The following ENTHD1 variants were observed in gnomAD, a reference collection of about 807,000 sequenced individuals.
ENTHD1 encodes ENTH domain-containing protein 1.
A neutral mutation model predicts 39.1 loss-of-function variants in ENTHD1; 23 were observed. The observed-to-expected ratio is 0.59, with a 90% CI of 0.42 to 0.83. The LOEUF (loss-of-function observed/expected upper bound fraction) is 0.83. Ranked by LOEUF, ENTHD1 falls within the 40% of genes least tolerant of loss-of-function variation. The pLI, the probability that ENTHD1 is intolerant of heterozygous loss-of-function variation, is 0.00. For missense variants in ENTHD1, 624 were observed against 705.4 expected, an observed-to-expected ratio of 0.88 and a Z score of 1.31; for synonymous variants, 230 against 258.2, an observed-to-expected ratio of 0.89 and a Z score of 1.05.
At chr22:39,843,128 A>G (rs1481745647) in intron 3 of ENTHD1, among the ~76,000 whole-genome samples, 1 of 152,236 alleles carries the variant, frequency 6.6e-6, no homozygotes, top group East Asian at 1.9e-4. Flanking sequence ...CCAAAGGACT[A>G]TAAATCATGC....
chr22:39,877,920 T>A (rs1356813297), intron 2 of ENTHD1, among the ~76,000 whole-genome samples: 6 of 151,848 alleles, frequency 4.0e-5, no homozygotes, highest in Admixed American at 3.9e-4. Context: ...TCATAAGACA[T>A]ACTAAAAGGA....
At position 39,744,061 on chromosome 22, in the gene ENTHD1, T is replaced by A; in HGVS notation, c.1442A>T (p.Asp481Val). 4 of 1,614,134 alleles carry A rather than the reference T, an allele frequency of 2.5e-6. No individual in the cohort carries two copies. Among genetic ancestry groups the A allele is most frequent in the Non-Finnish European group, 3.4e-6 (4 of 1,179,998 alleles). ...SFASRGPVSS[D>V]VEENDSLNLL... ...ATTGAGGCTATCATTTTCCTCTACA[T>A]CAGAAGACACTGGGCCCCTAGAAGC... The change falls in exon 7 of 7, where the codon GAT becomes GTT. Residue 481 changes from aspartate (D) to valine (V), a missense_variant. Coordinates refer to ENST00000325157, the MANE Select transcript of ENTHD1 (RefSeq NM_152512.4).
At chr22:39,826,215 T>C (rs1043992483) in intron 4 of ENTHD1, among the ~76,000 whole-genome samples, 2 of 152,196 alleles carry the variant, frequency 1.3e-5, no homozygotes, top group South Asian at 2.1e-4. Flanking sequence ...ACTATCCTTT[T>C]AGAGCTGAAG....
chr22:39,797,455 A>T (rs2065560131), intron 5 of ENTHD1, among the ~76,000 whole-genome samples: 1 of 152,076 alleles, frequency 6.6e-6, no homozygotes, highest in South Asian at 2.1e-4. Context: ...CTCATTGTTT[A>T]TCACTGTAGT....
Position 39,765,595 on chromosome 22 carries a change from G to T in ENTHD1, c.847C>A (p.Leu283Ile), listed in dbSNP as rs749504812. 1 of 1,610,022 alleles carries T rather than the reference G, an allele frequency of 6.2e-7. No homozygotes were observed. Among genetic ancestry groups the T allele is most frequent in the South Asian group, 1.1e-5 (1 of 90,510 alleles). The change falls in exon 6 of 7, where the codon CTC (leucine) becomes ATC (isoleucine). Residue 283 changes from leucine (L) to isoleucine (I), a missense_variant. Coordinates refer to ENST00000325157, the MANE Select transcript of ENTHD1 (RefSeq NM_152512.4). The part of the protein sequence containing the change: ...NLSGADAVPT[L>I]SENSPSGQRD... ...TGCCCAGAAGGACTATTTTCTGAGA[G>T]AGTAGGCACAGCATCTATAAAAGAA...
intron 4 of ENTHD1, among the ~76,000 whole-genome samples, chr22:39,824,356 C>T (rs558170826): frequency 1.3e-5 from 2 of 151,910 alleles, no homozygotes; most frequent in South Asian, 4.2e-4. Flanking sequence ...ATTACAGGCG[C>T]ATGCCACCAC....
At chr22:39,852,440 A>G (rs1306295703) in intron 3 of ENTHD1, among the ~76,000 whole-genome samples, 1 of 152,242 alleles carries the variant, frequency 6.6e-6, no homozygotes, top group South Asian at 2.1e-4. Flanking sequence ...TTACAAGAGT[A>G]TAATGGTTTT....
chr22:39,784,543 TACACACACAC>T (rs3044403), intron 5 of ENTHD1, among the ~76,000 whole-genome samples: 29 of 142,360 alleles, frequency 2.0e-4, no homozygotes, highest in East Asian at 1.2e-3. Context: ...TCTCTCTGTA[TACACACACAC>T]ACACACACAC....
At chr22:39,766,344 A>G (rs931435401) in intron 5 of ENTHD1, among the ~76,000 whole-genome samples, 2 of 152,206 alleles carry the variant, frequency 1.3e-5, no homozygotes, top group Non-Finnish European at 2.9e-5. Context: ...GAAAACACTG[A>G]AGGAATTGTA....
intron 4 of ENTHD1, among the ~76,000 whole-genome samples, chr22:39,827,040 G>T (rs1362971132): frequency 6.9e-6 from 1 of 145,060 alleles, no homozygotes; most frequent in Non-Finnish European, 1.5e-5. Flanking sequence ...TTTTGAGACA[G>T]AGTCTCTCTC....
At chr22:39,781,115 AAC>A (rs1290227604) in intron 5 of ENTHD1, among the ~76,000 whole-genome samples, 1 of 152,228 alleles carries the variant, frequency 6.6e-6, no homozygotes, top group Non-Finnish European at 1.5e-5. Flanking sequence ...ACAGAAAATC[AAC>A]AAAGAAACAT....
chr22:39,791,791 G>A (rs553018430), intron 5 of ENTHD1, among the ~76,000 whole-genome samples: 4 of 152,182 alleles, frequency 2.6e-5, no homozygotes, highest in African/African-American at 9.6e-5. Flanking sequence ...ATAAGCTTGT[G>A]ACTTGGGTTT....
At chr22:39,784,626 C>T (rs2065440168) in intron 5 of ENTHD1, among the ~76,000 whole-genome samples, 1 of 151,452 alleles carries the variant, frequency 6.6e-6, no homozygotes. Context: ...TTGTCATTTG[C>T]AGCAACATGG....
At chr22:39,763,917 A>G (rs2065254931) in intron 6 of ENTHD1, among the ~76,000 whole-genome samples, 1 of 152,162 alleles carries the variant, frequency 6.6e-6, no homozygotes, top group African/African-American at 2.4e-5. Flanking sequence ...CATCAGAGCC[A>G]TCATAACCAG....
At chr22:39,879,234 G>A (rs960302994) in intron 2 of ENTHD1, among the ~76,000 whole-genome samples, 13 of 151,628 alleles carry the variant, frequency 8.6e-5, no homozygotes, top group African/African-American at 2.4e-4. Flanking sequence ...AGGCTGAGGC[G>A]GGCGGATCAC....
chr22:39,748,777 G>T (rs1051652119), intron 6 of ENTHD1, among the ~76,000 whole-genome samples: 1 of 152,062 alleles, frequency 6.6e-6, no homozygotes, highest in African/African-American at 2.4e-5. Context: ...ACATATATAT[G>T]CTGTGACTAA....
chr22:39,786,295 A>G (rs2065457480), intron 5 of ENTHD1, among the ~76,000 whole-genome samples: 2 of 152,192 alleles, frequency 1.3e-5, no homozygotes, highest in Non-Finnish European at 2.9e-5. Flanking sequence ...GTACAATGTG[A>G]TGTTTTGATC....
In ENTHD1 at chr22:39,765,253, C is replaced by G. The variant is rs766839829; in HGVS notation, c.1189G>C (p.Asp397His). 68 of 1,611,090 alleles carry G rather than the reference C, an allele frequency of 4.2e-5. No homozygotes were observed. Among genetic ancestry groups the G allele is most frequent in the Non-Finnish European group, 5.6e-5 (66 of 1,178,762 alleles). Residue 397 changes from aspartate to histidine, a missense_variant, in exon 6 of 7, where the codon GAT (aspartate) becomes CAT (histidine). Transcript: ENST00000325157. ...GTGGTTGTCTTGAGGATTTTATCAT[C>G]CATCTGAATGCTGGATTGTGCTGGT... is the stretch of plus-strand genomic sequence containing the variant. Reference protein sequence around the residue: ...QKPAQSSIQMDDKILKTTTRV... With the variant: ...QKPAQSSIQMHDKILKTTTRV...
At position 39,850,724 on chromosome 22, in the gene ENTHD1, G is replaced by A. The variant is rs187856139; in HGVS notation, c.592+11041C>T. Among the ~76,000 whole-genome samples the A allele has an allele frequency of 5.0e-4, 76 of 151,802 alleles. 2 individuals carry two copies. Among genetic ancestry groups the A allele is most frequent in the South Asian group, 2.9e-3 (14 of 4,800 alleles). On this transcript the variant is annotated intron_variant, in intron 3 of 6. Coordinates refer to ENST00000325157, the MANE Select transcript of ENTHD1 (RefSeq NM_152512.4). The stretch of plus-strand genomic sequence containing the variant: ...TTATTCTTGAAAGTTTATCATGCAC[G>A]TTTACCTTTAAAAGTTTACAGTCAA...
Sources: gnomAD v4.1 joint callset for allele counts (sites outside exome capture counted in the v4.1 genomes callset) on GRCh38, gnomAD v4.1.1 for gene constraint, MANE v1.5 for transcripts, NCBI Gene and HGNC (gene_info 2026-07-23, HGNC 2026-07-21) for gene names.